The following EBPL variants were observed in gnomAD, a reference collection of about 807,000 sequenced individuals.
EBPL encodes EBP like.
EBPL carries 20 observed loss-of-function variants against 19.0 expected under a neutral mutation model. The ratio of observed to expected loss-of-function variants is 1.05; its 90% CI spans 0.74 to 1.53. The LOEUF (loss-of-function observed/expected upper bound fraction) is 1.53, where lower values mean the gene tolerates loss of function less well. Ranked by LOEUF, EBPL falls within the 40% of genes most tolerant of loss-of-function variation. The pLI is 0.00. For missense variants in EBPL, 219 were observed against 261.1 expected, an observed-to-expected ratio of 0.84 and a Z score of 1.11; for synonymous variants, 107 against 117.0, an observed-to-expected ratio of 0.91 and a Z score of 0.55.
chr13:49,667,108 G>C (rs1032272566), intron 2 of EBPL, among the ~76,000 whole-genome samples: 2 of 152,094 alleles, frequency 1.3e-5, no homozygotes, highest in African/African-American at 4.8e-5. Context: ...GTAGGGGACG[G>C]ATAGTAAGGG....
intron 1 of EBPL, chr13:49,686,684 T>TG: frequency 8.2e-7 from 1 of 1,212,316 alleles, no homozygotes; most frequent in Non-Finnish European, 1.1e-6. Context: ...CAGTCATACC[T>TG]GGGGCTTCGT....
chr13:49,676,643 C>T (rs947210256), intron 1 of EBPL, among the ~76,000 whole-genome samples: 5 of 151,832 alleles, frequency 3.3e-5, no homozygotes, highest in African/African-American at 1.2e-4. Context: ...AAAGAAACCC[C>T]GGTGAATCCT....
At position 49,660,674 on chromosome 13, in the gene EBPL, T is replaced by G. The variant is rs1336296779; in HGVS notation, c.*294A>C. On this transcript the variant is annotated 3_prime_UTR_variant, in exon 4 of 4. Transcript: ENST00000242827. ...AAAAAATTAATATAACACTGCAGTA[T>G]TCTAAGATAATTGGTTTTACTAATG... 4 of 273,812 alleles carry G rather than the reference T, an allele frequency of 1.5e-5. No individual in the cohort carries two copies. The highest frequency in any genetic ancestry group is 2.7e-5 in the Non-Finnish European group (4 of 146,624). The allele number at this position is 273,812 out of a possible 1,614,324, so 17.0% of individuals were successfully genotyped here. A position where few individuals can be genotyped will look rare whatever the true frequency, so the allele number is the denominator to read the frequency against.
intron 2 of EBPL, among the ~76,000 whole-genome samples, chr13:49,664,963 G>C (rs1965203850): frequency 6.6e-6 from 1 of 151,760 alleles, no homozygotes; most frequent in African/African-American, 2.4e-5. Context: ...TAACTAACTG[G>C]AAAACAATGT....
At chr13:49,686,436 CA>C in intron 1 of EBPL, 3 of 1,275,348 alleles carry the variant, frequency 2.4e-6, no homozygotes, top group Non-Finnish European at 3.0e-6. Flanking sequence ...CCATCAATCC[CA>C]CTCTCACCAT....
At chr13:49,684,621 G>T (rs1953978154) in intron 1 of EBPL, among the ~76,000 whole-genome samples, 1 of 152,218 alleles carries the variant, frequency 6.6e-6, no homozygotes, top group Non-Finnish European at 1.5e-5. Flanking sequence ...GCTGTGGCGA[G>T]CTGAGATCGC....
chr13:49,670,982 C>T (rs897264499), intron 1 of EBPL, among the ~76,000 whole-genome samples: 2 of 152,128 alleles, frequency 1.3e-5, no homozygotes, highest in Admixed American at 1.3e-4. Context: ...TTATCTGTAA[C>T]TGGATTCTAA....
intron 3 of EBPL, 81 bp downstream of exon 3, chr13:49,662,976 C>T: frequency 6.4e-7 from 1 of 1,556,444 alleles, no homozygotes; most frequent in Non-Finnish European, 8.7e-7. Context: ...TATGTGGTCA[C>T]AACCTACTCC....
intron 2 of EBPL, among the ~76,000 whole-genome samples, chr13:49,664,257 C>A (rs557772533): frequency 6.6e-6 from 1 of 152,258 alleles, no homozygotes; most frequent in South Asian, 2.1e-4. Context: ...TATCTCAATA[C>A]AACAACACGT....
intron 1 of EBPL, among the ~76,000 whole-genome samples, chr13:49,670,927 T>C (rs1056122401): frequency 1.3e-5 from 2 of 152,206 alleles, no homozygotes; most frequent in African/African-American, 4.8e-5. Context: ...TTGAGACTGA[T>C]TACATGTCCT....
chr13:49,675,526 CG>C (rs1566317794), intron 1 of EBPL, among the ~76,000 whole-genome samples: 1 of 152,170 alleles, frequency 6.6e-6, no homozygotes, highest in East Asian at 1.9e-4. Context: ...GTCAGAATTT[CG>C]TTTCTTTTTA....
intron 1 of EBPL, among the ~76,000 whole-genome samples, chr13:49,679,922 ATAAG>A (rs764963588): frequency 7.9e-5 from 12 of 152,206 alleles, no homozygotes; most frequent in Non-Finnish European, 1.5e-4. Context: ...TAGTGAATGA[ATAAG>A]TAATAAGGAG....
chr13:49,672,582 T>C (rs547995445), intron 1 of EBPL, among the ~76,000 whole-genome samples: 2 of 152,074 alleles, frequency 1.3e-5, no homozygotes, highest in Admixed American at 1.3e-4. Flanking sequence ...AACAAGACAG[T>C]TAAAAATAAT....
intron 1 of EBPL, among the ~76,000 whole-genome samples, chr13:49,679,123 C>A (rs1953915259): frequency 6.6e-6 from 1 of 152,078 alleles, no homozygotes; most frequent in South Asian, 2.1e-4. Context: ...CCAAAATTAT[C>A]TGTGGAATTG....
chr13:49,679,693 C>A (rs534219679), intron 1 of EBPL, among the ~76,000 whole-genome samples: 3 of 151,818 alleles, frequency 2.0e-5, no homozygotes, highest in Non-Finnish European at 4.4e-5. Flanking sequence ...ATTGTAGAGA[C>A]GGGGTCTCGT....
chr13:49,665,740 G>A (rs546487836), intron 2 of EBPL, among the ~76,000 whole-genome samples: 128 of 150,844 alleles, frequency 8.5e-4, no homozygotes, highest in Admixed American at 2.3e-3. Context: ...TAAGCATTTG[G>A]AAGGTGTTAT....
At chr13:49,684,225 C>T (rs1254296799) in intron 1 of EBPL, among the ~76,000 whole-genome samples, 1 of 152,086 alleles carries the variant, frequency 6.6e-6, no homozygotes. Flanking sequence ...CCCAAATTCA[C>T]CAAACTGTAC....
Position 49,674,431 on chromosome 13 carries a change from A to T in EBPL, c.172-4585T>A, listed in dbSNP as rs1178801558. On this transcript the variant is annotated intron_variant, in intron 1 of 3. Coordinates refer to ENST00000242827, the MANE Select transcript of EBPL (RefSeq NM_032565.5). ...AAATAATTTTTTAAAAACCCACCAA[A>T]ATGTTAGCATCGTGGAAACCTGGGA... Among the ~76,000 whole-genome samples, 3 of 152,118 alleles carry T rather than the reference A, an allele frequency of 2.0e-5. No individual in the cohort carries two copies. The East Asian group carries it at 5.8e-4, about 29-fold the overall frequency.
Position 49,663,044 on chromosome 13 carries a change from G to T in EBPL, c.380+13C>A. 2 of 1,613,256 alleles carry T rather than the reference G, an allele frequency of 1.2e-6. No individual in the cohort carries two copies. Among genetic ancestry groups the T allele is most frequent in the Non-Finnish European group, 1.7e-6 (2 of 1,179,972 alleles). The stretch of plus-strand genomic sequence containing the variant: ...CTCCCCTCCTTCCAGCAGGACAGAA[G>T]AAGGGCACCTACCGGTAATATTTTT... On this transcript the variant is annotated intron_variant, in intron 3 of 3. Coordinates refer to ENST00000242827, the MANE Select transcript of EBPL (RefSeq NM_032565.5).
Sources: allele counts gnomAD v4.1 joint callset (sites outside exome capture counted in the v4.1 genomes callset), GRCh38; gene constraint gnomAD v4.1.1; transcripts MANE v1.5; gene names NCBI Gene and HGNC (gene_info 2026-07-23, HGNC 2026-07-21).